Variants in SRPX observed in about 807,000 individuals in gnomAD.
SRPX encodes the protein sushi repeat-containing protein SRPX.
Under a neutral mutation model 38.1 loss-of-function variants are expected in SRPX, and 24 were observed. That is an observed-to-expected ratio of 0.63 (90% CI 0.46 to 0.89). The LOEUF is 0.89. SRPX is among the 40% of genes least tolerant of loss of function. The pLI, the probability that SRPX is intolerant of heterozygous loss-of-function variation, is 0.00. For missense variants in SRPX, 416 were observed against 377.8 expected, an observed-to-expected ratio of 1.10 and a Z score of -0.84; for synonymous variants, 184 against 153.8, an observed-to-expected ratio of 1.20 and a Z score of -1.45.
chrX:38,160,184 C>A lies in SRPX; in HGVS notation c.788G>T (p.Gly263Val). 1.7e-6 allele frequency: 2 copies of A among 1,211,421 alleles called. No homozygotes were observed. Among genetic ancestry groups the A allele is most frequent in the African/African-American group, 1.7e-5 (1 of 57,889 alleles). ...FRVKVRVKRC[G>V]KLNAPENGYM... is the part of the protein sequence containing the mutation. ...ACCATTCTCTGGGGCATTGAGTTTG[C>A]CACAGCGTTTGACTGTAGGGACACA... The change falls in exon 7 of 10, where the codon GGC becomes GTC. Residue 263 changes from glycine to valine, a missense_variant. Physicochemically the swap from Gly to Val is moderately radical, Grantham distance 109. Coordinates refer to ENST00000378533, the MANE Select transcript of SRPX (RefSeq NM_006307.5).
intron 8 of SRPX, among the ~76,000 whole-genome samples, chrX:38,156,307 G>A (rs1304469212): frequency 1.8e-5 from 2 of 111,425 alleles, no homozygotes; most frequent in African/African-American, 6.5e-5. Context: ...TAGCTGAGAA[G>A]GACACATTTC....
intron 1 of SRPX, among the ~76,000 whole-genome samples, chrX:38,219,617 G>A (rs933874148): frequency 1.8e-5 from 2 of 111,628 alleles, no homozygotes; most frequent in African/African-American, 3.3e-5. Context: ...GGTGCGTGCA[G>A]AGAATTTCCC....
chrX:38,210,752 A>G (rs1939304627), intron 1 of SRPX, among the ~76,000 whole-genome samples: 1 of 112,580 alleles, frequency 8.9e-6, no homozygotes, highest in African/African-American at 3.2e-5. Context: ...GTTATGTGTC[A>G]GATAAATTAA....
intron 1 of SRPX, among the ~76,000 whole-genome samples, chrX:38,187,844 A>G (rs1938815499): frequency 8.9e-6 from 1 of 112,519 alleles, no homozygotes; most frequent in Non-Finnish European, 1.9e-5. Flanking sequence ...GGGCTTTTGA[A>G]GAAGCCCAGA....
intron 1 of SRPX, among the ~76,000 whole-genome samples, chrX:38,211,413 C>T (rs760066580): frequency 1.5e-4 from 17 of 111,738 alleles, no homozygotes; most frequent in African/African-American, 4.6e-4. Flanking sequence ...GTACAAATAC[C>T]ATTGCTGGCC....
Position 38,149,436 on chromosome X carries a change from G to C in SRPX, c.*275C>G, listed in dbSNP as rs772096248. The C allele has an allele frequency of 1.1e-3, 255 of 239,925 alleles. No individual in the cohort carries two copies. The highest frequency in any genetic ancestry group is 1.7e-3 in the Non-Finnish European group (228 of 136,254). 19.8% of individuals were successfully genotyped at this position (239,925 alleles called of 1,213,427 possible). A position where few individuals can be genotyped will look rare whatever the true frequency, so the allele number is the denominator to read the frequency against. On this transcript the variant is annotated 3_prime_UTR_variant, in exon 10 of 10. Coordinates refer to ENST00000378533, the MANE Select transcript of SRPX (RefSeq NM_006307.5). ...ACATTGAATAACATGTTGATAGCCT[G>C]TGTATGGTTATGGGTTCTAATTTCT...
At position 38,150,249 on chromosome X, in the gene SRPX, C is replaced by T. The variant is rs374125992; in HGVS notation, c.1212-355G>A. ...GGCGTACAATGGTGCCACATACCAA[C>T]GTTTGGTACAAGGTGCATACAAGGC... On this transcript the variant is annotated intron_variant, in intron 9 of 9. Transcript: ENST00000378533. Among the ~76,000 whole-genome samples the T allele has an allele frequency of 9.8e-5, 11 of 112,436 alleles. No individual in the cohort carries two copies. The East Asian group carries it at 2.2e-3, about 23-fold the overall frequency.
At chrX:38,174,998 A>T (rs1306186868) in intron 2 of SRPX, among the ~76,000 whole-genome samples, 1 of 112,225 alleles carries the variant, frequency 8.9e-6, no homozygotes, top group Non-Finnish European at 1.9e-5. Flanking sequence ...CCATTTACGT[A>T]ACAGGGTGAC....
intron 5 of SRPX, among the ~76,000 whole-genome samples, chrX:38,163,422 C>T (rs1484618597): frequency 8.9e-6 from 1 of 112,190 alleles, no homozygotes; most frequent in Admixed American, 9.5e-5. Flanking sequence ...CTTTCATCTA[C>T]AGATGAAAAC....
intron 1 of SRPX, among the ~76,000 whole-genome samples, chrX:38,186,756 T>G (rs1474188991): frequency 9.0e-6 from 1 of 111,646 alleles, no homozygotes; most frequent in Admixed American, 9.5e-5. Flanking sequence ...CCTCCCCACC[T>G]GTTTCCTGGA....
intron 5 of SRPX, among the ~76,000 whole-genome samples, chrX:38,161,928 T>C (rs1219427246): frequency 3.6e-5 from 4 of 112,202 alleles, no homozygotes; most frequent in Non-Finnish European, 7.5e-5. Flanking sequence ...GAATATTTGC[T>C]AATAATGAAC....
At chrX:38,207,554 T>C (rs889809347) in intron 1 of SRPX, among the ~76,000 whole-genome samples, 10 of 112,011 alleles carry the variant, frequency 8.9e-5, no homozygotes, top group Non-Finnish European at 1.5e-4. Context: ...TTAACTCTCC[T>C]CTATAGAGGT....
intron 1 of SRPX, 64 bp downstream of exon 1, chrX:38,220,631 TC>T: frequency 8.6e-7 from 1 of 1,166,631 alleles, no homozygotes; most frequent in Non-Finnish European, 1.1e-6. Flanking sequence ...GAGCGAAGGG[TC>T]CCAACGGCGA....
At chrX:38,204,038 G>A in intron 1 of SRPX, among the ~76,000 whole-genome samples, 1 of 112,076 alleles carries the variant, frequency 8.9e-6, no homozygotes, top group Non-Finnish European at 1.9e-5. Flanking sequence ...AACAAAACAT[G>A]TATGGGATCT....
chrX:38,187,655 T>C (rs1430289630), intron 1 of SRPX, among the ~76,000 whole-genome samples: 1 of 112,043 alleles, frequency 8.9e-6, no homozygotes, highest in East Asian at 2.8e-4. Context: ...TATTGCCGGG[T>C]CTCTTGTATT....
intron 1 of SRPX, among the ~76,000 whole-genome samples, chrX:38,218,637 T>C (rs375321595): frequency 1.8e-5 from 2 of 112,477 alleles, no homozygotes; most frequent in South Asian, 3.7e-4. Flanking sequence ...CAGATTCAAG[T>C]CCTTCACTTT....
In SRPX at chrX:38,174,173, C is replaced by T; in HGVS notation, c.336G>A (p.Lys112=). ...TGGCCTACTCACGTTTGCAGATGAC[C>T]TTGTCAGACCATCGTTTGTTTGACT... is the stretch of plus-strand genomic sequence containing the variant. ...ICQSNKRWSD[K]VICKQKRCPT... The change falls in exon 3 of 10, where the codon AAG becomes AAA. Residue 112 remains lysine, a synonymous_variant. Transcript: ENST00000378533. The T allele has an allele frequency of 9.1e-7, 1 of 1,104,048 alleles. No homozygotes were observed. Among genetic ancestry groups the T allele is most frequent in the African/African-American group, 1.9e-5 (1 of 53,615 alleles). 91.0% of individuals were successfully genotyped at this position (1,104,048 alleles called of 1,213,427 possible).
intron 1 of SRPX, among the ~76,000 whole-genome samples, chrX:38,197,473 T>G (rs1385156116): frequency 8.9e-6 from 1 of 111,763 alleles, no homozygotes; most frequent in Non-Finnish European, 1.9e-5. Flanking sequence ...ATTGTACATA[T>G]TTATGGAATA....
At chrX:38,164,129 G>T in intron 5 of SRPX, among the ~76,000 whole-genome samples, 1 of 91,482 alleles carries the variant, frequency 1.1e-5, no homozygotes, top group Admixed American at 1.3e-4. Context: ...TATATTTATG[G>T]GGTACATGAG....
Sources: gnomAD v4.1 joint callset for allele counts (sites outside exome capture counted in the v4.1 genomes callset) on GRCh38, gnomAD v4.1.1 for gene constraint, MANE v1.5 for transcripts, NCBI Gene and HGNC (gene_info 2026-07-23, HGNC 2026-07-21) for gene names.